The following GRIK1 variants were observed in gnomAD, a reference collection of about 807,000 sequenced individuals.
GRIK1 encodes the protein glutamate receptor ionotropic, kainate 1.
Under a neutral mutation model 105.7 loss-of-function variants are expected in GRIK1, and 69 were observed. The observed-to-expected ratio is 0.65, with a 90% CI of 0.54 to 0.80. The LOEUF (loss-of-function observed/expected upper bound fraction) is 0.80. GRIK1 is among the 30% of genes least tolerant of loss of function. The pLI, the probability that GRIK1 is intolerant of heterozygous loss-of-function variation, is 0.00. For synonymous variants in GRIK1, 438 were observed against 431.3 expected, an observed-to-expected ratio of 1.02 and a Z score of -0.19; for missense variants, 1,109 against 1,167.3, an observed-to-expected ratio of 0.95 and a Z score of 0.73.
chr21:29,686,207 G>C (rs967070673), intron 3 of GRIK1, among the ~76,000 whole-genome samples: 1 of 152,162 alleles, frequency 6.6e-6, no homozygotes, highest in South Asian at 2.1e-4. Flanking sequence ...AAACAAATTT[G>C]CTATGATTTT....
intron 15 of GRIK1, among the ~76,000 whole-genome samples, chr21:29,560,502 TCCTTCC>T: frequency 5.2e-5 from 1 of 19,166 alleles, no homozygotes; most frequent in Non-Finnish European, 9.5e-5. Flanking sequence ...TTTCTTTCCT[TCCTTCC>T]TTCCTTCCTT....
chr21:29,575,642 G>A (rs141234140), intron 14 of GRIK1, among the ~76,000 whole-genome samples: 3,760 of 152,070 alleles, frequency 0.025, 151 homozygotes, highest in African/African-American at 0.084. Flanking sequence ...GACCAGCCTG[G>A]CCAATATGGT....
chr21:29,800,106 C>T (rs1383094543), intron 1 of GRIK1, among the ~76,000 whole-genome samples: 1 of 152,146 alleles, frequency 6.6e-6, no homozygotes, highest in East Asian at 1.9e-4. Context: ...TTAGACAGTT[C>T]CTTTTTCTGT....
intron 1 of GRIK1, among the ~76,000 whole-genome samples, chr21:29,857,142 A>G (rs1386472659): frequency 2.0e-5 from 3 of 152,354 alleles, no homozygotes; most frequent in Non-Finnish European, 4.4e-5. Flanking sequence ...ACACTAGTGC[A>G]GGTGTAGATA....
intron 1 of GRIK1, among the ~76,000 whole-genome samples, chr21:29,815,485 A>C (rs922241124): frequency 6.6e-6 from 1 of 152,148 alleles, no homozygotes; most frequent in African/African-American, 2.4e-5. Flanking sequence ...AGGTGGCAGG[A>C]TACTGGGAGT....
chr21:29,693,791 T>C, intron 2 of GRIK1, 105 bp downstream of exon 2: 2 of 793,866 alleles, frequency 2.5e-6, no homozygotes, highest in Non-Finnish European at 4.2e-6. Flanking sequence ...GCGACCCATT[T>C]GCACAAAGAT....
rs1568814290 is a variant in GRIK1 at position 29,560,404 on chromosome 21, T to TTCCTTCCTTC, written c.2356+1219_2356+1220insGAAGGAAGGA. 1.4e-3 allele frequency among the ~76,000 whole-genome samples: 109 copies of TTCCTTCCTTC among 76,818 alleles called. 12 individuals carry two copies. Among genetic ancestry groups the TTCCTTCCTTC allele is most frequent in the African/African-American group, 3.6e-3 (46 of 12,638 alleles). 50.4% of individuals were successfully genotyped at this position (76,818 alleles called of 152,430 possible). On this transcript the variant is annotated intron_variant, in intron 15 of 17. Transcript: ENST00000327783. ...TCCTTCCTTCCTTCCTTCCTTCCTTTCTTTCTTTCTTTCTTTCTTTCTTTC... is the reference window on the plus strand; with the variant it reads ...TCCTTCCTTCCTTCCTTCCTTCCTTTTCCTTCCTTCCTTTCTTTCTTTCTTTCTTTCTTTC...
intron 1 of GRIK1, among the ~76,000 whole-genome samples, chr21:29,797,839 G>C (rs1267250967): frequency 6.6e-6 from 1 of 152,048 alleles, no homozygotes; most frequent in African/African-American, 2.4e-5. Flanking sequence ...CACTAGATGA[G>C]GTTTCCTCCT....
chr21:29,802,467 C>A (rs2066737636), intron 1 of GRIK1, among the ~76,000 whole-genome samples: 1 of 151,652 alleles, frequency 6.6e-6, no homozygotes, highest in South Asian at 2.1e-4. Context: ...AACTTATTTT[C>A]AAAAAAAATA....
chr21:29,927,445 G>C (rs534761453), intron 1 of GRIK1, among the ~76,000 whole-genome samples: 5 of 150,184 alleles, frequency 3.3e-5, no homozygotes, highest in Non-Finnish European at 5.9e-5. Flanking sequence ...TTGGGCTGTA[G>C]TGTGTATAAT....
rs571835219 is a variant in GRIK1, at chr21:29,824,180, A to G, written c.118+115203T>C. On this transcript the variant is annotated intron_variant, in intron 1 of 17. Transcript: ENST00000327783. ...CTAATTATACACTATAAATATATAA[A>G]TATATCCTCCATACACGATAAACAT... 2.0e-5 allele frequency among the ~76,000 whole-genome samples: 3 copies of G among 152,166 alleles called. No homozygotes were observed. In the East Asian group the frequency reaches 5.8e-4, roughly 29 times the overall value.
At chr21:29,769,446 T>A (rs1211387082) in intron 1 of GRIK1, among the ~76,000 whole-genome samples, 1 of 151,604 alleles carries the variant, frequency 6.6e-6, no homozygotes, top group South Asian at 2.1e-4. Flanking sequence ...AGGTGAGGGG[T>A]GGTGGGAGCT....
intron 1 of GRIK1, among the ~76,000 whole-genome samples, chr21:29,697,098 T>C (rs1207840315): frequency 6.6e-6 from 1 of 152,238 alleles, no homozygotes; most frequent in Non-Finnish European, 1.5e-5. Context: ...GTTGTCTGAA[T>C]GTCCAAAAAA....
chr21:29,706,390 C>T (rs1568996610), intron 1 of GRIK1, among the ~76,000 whole-genome samples: 1 of 152,138 alleles, frequency 6.6e-6, no homozygotes, highest in Non-Finnish European at 1.5e-5. Context: ...TACACATTTA[C>T]CACGACACTT....
intron 3 of GRIK1, among the ~76,000 whole-genome samples, chr21:29,677,957 T>G (rs363544): frequency 6.6e-6 from 1 of 152,028 alleles, no homozygotes; most frequent in African/African-American, 2.4e-5. Context: ...AATCCATTGC[T>G]GGATAGCTTT....
At chr21:29,725,668 G>T (rs1309793285) in intron 1 of GRIK1, among the ~76,000 whole-genome samples, 1 of 152,136 alleles carries the variant, frequency 6.6e-6, no homozygotes, top group African/African-American at 2.4e-5. Context: ...AAACCATCCT[G>T]ATACAAAGAA....
At chr21:29,583,307 A>G (rs1249768094) in intron 12 of GRIK1, among the ~76,000 whole-genome samples, 1 of 152,176 alleles carries the variant, frequency 6.6e-6, no homozygotes, top group Non-Finnish European at 1.5e-5. Context: ...AGAAATGAAT[A>G]CCAATATTAA....
At chr21:29,722,163 G>A (rs1473654343) in intron 1 of GRIK1, among the ~76,000 whole-genome samples, 3 of 152,236 alleles carry the variant, frequency 2.0e-5, no homozygotes, top group East Asian at 1.9e-4. Flanking sequence ...TGCCTTCCCT[G>A]TGGTCCTCAC....
intron 1 of GRIK1, among the ~76,000 whole-genome samples, chr21:29,865,078 G>A (rs1231464988): frequency 6.6e-6 from 1 of 152,166 alleles, no homozygotes; most frequent in African/African-American, 2.4e-5. Context: ...GTTCCCTGCT[G>A]CATTCTTCCA....
Sources: gnomAD v4.1 joint callset for allele counts (sites outside exome capture counted in the v4.1 genomes callset) on GRCh38, gnomAD v4.1.1 for gene constraint, MANE v1.5 for transcripts, NCBI Gene and HGNC (gene_info 2026-07-23, HGNC 2026-07-21) for gene names.